NOLC1: variants seen among roughly 807,000 people sequenced by gnomAD.
The protein encoded by NOLC1 is 140 kDa nucleolar phosphoprotein.
A neutral mutation model predicts 73.4 loss-of-function variants in NOLC1; 37 were observed. That is an observed-to-expected ratio of 0.50 (90% confidence interval 0.39 to 0.66). The LOEUF is 0.66. NOLC1 is among the 30% of genes least tolerant of loss of function. The probability of loss-of-function intolerance (pLI) is 0.00; values close to 1 mark genes in which losing one functional copy is unlikely to be tolerated. For missense variants in NOLC1, 921 were observed against 838.9 expected (o/e 1.10, Z -1.21); for synonymous variants, 327 against 302.6 (o/e 1.08, Z -0.84).
chr10:102,157,594 G>A, intron 4 of NOLC1, 39 bp downstream of exon 4: 1 of 1,596,736 alleles, frequency 6.3e-7, no homozygotes. Flanking sequence ...TTAAGGATTA[G>A]AAAGGAAGAA....
chr10:102,156,873 T>C, intron 1 of NOLC1, 146 bp from the exon 2 acceptor site: 1 of 778,484 alleles, frequency 1.3e-6, no homozygotes, highest in Non-Finnish European at 2.1e-6. Flanking sequence ...TAGAATATTT[T>C]TCTCCTGATT....
chr10:102,155,380 C>CA (rs1182815043), intron 1 of NOLC1, among the ~76,000 whole-genome samples: 135 of 127,826 alleles, frequency 1.1e-3, no homozygotes, highest in African/African-American at 2.1e-3. Context: ...AATTCCATTT[C>CA]AAAAAAAAAA....
chr10:102,159,909 A>G lies in NOLC1; in HGVS notation c.873A>G (p.Ser291=). The change falls in exon 8 of 13, where the codon TCA becomes TCG. Residue 291 remains serine (S), a synonymous_variant. Coordinates refer to ENST00000605788, the MANE Select transcript of NOLC1 (RefSeq NM_004741.5). ...CTTTTTAAACAGGTCCCTACAGTTC[A>G]GTCCCCCCGCCTTCTGCTCCCCCAC... ...PMKNKPGPYS[S]VPPPSAPPPK... is the part of the protein sequence containing the mutation. 1.3e-6 allele frequency: 2 copies of G among 1,596,512 alleles called. No individual in the cohort carries two copies. The highest frequency in any genetic ancestry group is 1.7e-6 in the Non-Finnish European group (2 of 1,172,362).
chr10:102,156,965 G>GA, intron 1 of NOLC1, 54 bp from the exon 2 acceptor site: 1 of 1,550,290 alleles, frequency 6.5e-7, no homozygotes, highest in Admixed American at 1.7e-5. Flanking sequence ...CACATTTAAT[G>GA]AAAGCATAAC....
intron 1 of NOLC1, among the ~76,000 whole-genome samples, chr10:102,155,107 C>T (rs917634572): frequency 6.0e-5 from 9 of 151,136 alleles, no homozygotes; most frequent in Non-Finnish European, 8.8e-5. Context: ...ACCACAACCT[C>T]CACCTCCTGG....
chr10:102,159,242 T>G lies in NOLC1; in HGVS notation c.657T>G (p.Ser219Arg). ...IANGKAASSS[S>R]SSSSSSSSDD... ...ATGGTAAAGCAGCCAGTAGCAGCAG[T>G]AGCAGCAGCAGCAGCAGTAGCAGTG... Residue 219 changes from serine (S) to arginine (R), a missense_variant, in exon 6 of 13, where the codon AGT (serine) becomes AGG (arginine). Ser to Arg is a moderately radical substitution (Grantham distance 110). Coordinates refer to ENST00000605788, the MANE Select transcript of NOLC1 (RefSeq NM_004741.5). 3.1e-6 allele frequency: 5 copies of G among 1,612,996 alleles called. No individual in the cohort carries two copies. The highest frequency in any genetic ancestry group is 4.2e-6 in the Non-Finnish European group (5 of 1,179,248).
intron 10 of NOLC1, 51 bp downstream of exon 10, chr10:102,161,144 T>TGG: frequency 6.5e-7 from 1 of 1,529,740 alleles, no homozygotes; most frequent in Non-Finnish European, 8.7e-7. Context: ...CAAATCAGGA[T>TGG]GGGATATACT....
Position 102,161,112 on chromosome 10 carries a change from T to C in NOLC1, c.1741+19T>C. 1 of 1,578,898 alleles carries C rather than the reference T, an allele frequency of 6.3e-7. No individual in the cohort carries two copies. Among genetic ancestry groups the C allele is most frequent in the Non-Finnish European group, 8.6e-7 (1 of 1,168,352 alleles). On this transcript the variant is annotated intron_variant, in intron 10 of 12. Coordinates refer to ENST00000605788, the MANE Select transcript of NOLC1 (RefSeq NM_004741.5). The stretch of plus-strand genomic sequence containing the variant: ...AAATCAGGTCTGTACCCAATGAACA[T>C]GCCCTCTGGGTTTTGTCCCCCCAAA...
Position 102,157,333 on chromosome 10 carries a change from G to A in NOLC1, c.316+5G>A. ...GGCCTCCAGCAAAGAAGGCTGGTAA[G>A]GCAGAGTAGCAGGTGGGCTTGGTGG... On this transcript the variant is annotated splice_donor_5th_base_variant and intron_variant, in intron 3 of 12. Coordinates refer to ENST00000605788, the MANE Select transcript of NOLC1 (RefSeq NM_004741.5). The A allele has an allele frequency of 6.2e-7, 1 of 1,613,872 alleles. No individual in the cohort carries two copies. Among genetic ancestry groups the A allele is most frequent in the Non-Finnish European group, 8.5e-7 (1 of 1,179,838 alleles).
Position 102,162,338 on chromosome 10 carries a change from AACCCTCAGGTCTCT to A in NOLC1, c.*71_*84del, listed in dbSNP as rs2069728189. On this transcript the variant is annotated 3_prime_UTR_variant, in exon 13 of 13. Coordinates refer to ENST00000605788, the MANE Select transcript of NOLC1 (RefSeq NM_004741.5). The stretch of plus-strand genomic sequence containing the variant: ...ACTTACTTTCTCCAGTGGACCTGGG[AACCCTCAGGTCTCT>A]AGGTGAGGGTCTTGATGAGGACAGA... 8 of 1,541,248 alleles carry A rather than the reference AACCCTCAGGTCTCT, an allele frequency of 5.2e-6. 1 individual carries two copies. The South Asian group carries it at 9.6e-5, about 18-fold the overall frequency.
intron 4 of NOLC1, among the ~76,000 whole-genome samples, 196 bp downstream of exon 4, chr10:102,157,751 G>C (rs989759545): frequency 2.0e-5 from 3 of 152,070 alleles, no homozygotes; most frequent in Non-Finnish European, 4.4e-5. Flanking sequence ...GTCAGGCTCC[G>C]AATCTAGAGG....
Position 102,160,854 on chromosome 10 carries a change from C to T in NOLC1, c.1502C>T (p.Ala501Val). The T allele has an allele frequency of 1.9e-6, 3 of 1,614,066 alleles. No individual in the cohort carries two copies. Among genetic ancestry groups the T allele is most frequent in the Non-Finnish European group, 1.7e-6 (2 of 1,180,000 alleles). Residue 501 changes from alanine (A) to valine (V), a missense_variant, in exon 10 of 13, where the codon GCA becomes GTA. Coordinates refer to ENST00000605788, the MANE Select transcript of NOLC1 (RefSeq NM_004741.5). ...AAGCCACAGAAGGTAGCAGGAGGTG[C>T]AGCCCCTTCCAAGCCAGCCTCTGCA... ...KKKPQKVAGG[A>V]APSKPASAKK...
Position 102,152,479 on chromosome 10 carries a change from C to A in NOLC1, c.69C>A (p.Arg23=). The change falls in exon 1 of 13, where the codon CGC becomes CGA. Residue 23 remains arginine (R), a synonymous_variant. Coordinates refer to ENST00000605788, the MANE Select transcript of NOLC1 (RefSeq NM_004741.5). The part of the protein sequence containing the change: ...DLYPLVLGFL[R]DNQLSEVANK... ...ATCCCCTCGTGCTCGGCTTCCTGCGCGATAACCAACTCTCAGAGGTGGCCA... is the reference window on the plus strand; with the variant it reads ...ATCCCCTCGTGCTCGGCTTCCTGCGAGATAACCAACTCTCAGAGGTGGCCA... 6.2e-7 allele frequency: 1 copy of A among 1,613,778 alleles called. No homozygotes were observed. The highest frequency in any genetic ancestry group is 8.5e-7 in the Non-Finnish European group (1 of 1,180,044).
intron 4 of NOLC1, 83 bp from the exon 5 acceptor site, chr10:102,157,966 C>T: frequency 8.0e-7 from 1 of 1,242,310 alleles, no homozygotes; most frequent in Non-Finnish European, 1.1e-6. Flanking sequence ...TCCATTAGGC[C>T]CCTAAAAATA....
At position 102,163,631 on chromosome 10, in the gene NOLC1, A is replaced by G. The variant is rs1479954914; in HGVS notation, c.*1362A>G. ...AAGAGTCCACAGCTTTCTGGAAGCT[A>G]AGGCATTCTGGTGGTAGAAAAGTGT... On this transcript the variant is annotated 3_prime_UTR_variant, in exon 13 of 13. Transcript: ENST00000605788. 6.6e-6 allele frequency: 1 copy of G among 152,234 alleles called. No individual in the cohort carries two copies. Among genetic ancestry groups the G allele is most frequent in the Admixed American group, 6.5e-5 (1 of 15,280 alleles). 9.4% of individuals were successfully genotyped at this position (152,234 alleles called of 1,614,324 possible).
rs753968469 is a variant in NOLC1, at chr10:102,159,944, C to T, written c.908C>T (p.Ser303Phe). The T allele has an allele frequency of 3.7e-6, 6 of 1,609,916 alleles. No homozygotes were observed. In the South Asian group the frequency reaches 4.4e-5, roughly 12 times the overall value. The change falls in exon 8 of 13, where the codon TCT becomes TTT. Residue 303 changes from serine to phenylalanine, a missense_variant. By Grantham distance (155) the Ser-to-Phe change is radical (BLOSUM62 -2). Transcript: ENST00000605788. ...CCTTCTGCTCCCCCACCAAAGAAGT[C>T]TCTGGGAACCCAGCCTCCCAAGAAG... ...PPPSAPPPKK[S>F]LGTQPPKKAV...
At position 102,158,044 on chromosome 10, in the gene NOLC1, A is replaced by C. The variant is rs751773471; in HGVS notation, c.442-5A>C. ...TGATTTCTCTCCTTGTGTCTTTTCTAACAGAAGGGAGTTAAGCCCCAAGCC... is the reference window on the plus strand; with the variant it reads ...TGATTTCTCTCCTTGTGTCTTTTCTCACAGAAGGGAGTTAAGCCCCAAGCC... On this transcript the variant is annotated splice_region_variant and splice_polypyrimidine_tract_variant and intron_variant, in intron 4 of 12. Transcript: ENST00000605788. 2.5e-6 allele frequency: 4 copies of C among 1,611,716 alleles called. 1 individual carries two copies. Among genetic ancestry groups the C allele is most frequent in the Non-Finnish European group, 2.5e-6 (3 of 1,179,106 alleles).
chr10:102,153,073 T>G (rs2069533074), intron 1 of NOLC1, among the ~76,000 whole-genome samples: 1 of 152,224 alleles, frequency 6.6e-6, no homozygotes, highest in African/African-American at 2.4e-5. Context: ...CCCTACCAAG[T>G]AGGCATAGTA....
intron 1 of NOLC1, among the ~76,000 whole-genome samples, chr10:102,154,589 C>T (rs985379269): frequency 6.6e-6 from 1 of 152,108 alleles, no homozygotes; most frequent in Non-Finnish European, 1.5e-5. Flanking sequence ...AATCTCAGCT[C>T]ACTGCAACCT....
Sources: allele counts gnomAD v4.1 joint callset (sites outside exome capture counted in the v4.1 genomes callset), GRCh38; gene constraint gnomAD v4.1.1; transcripts MANE v1.5; gene names NCBI Gene and HGNC (gene_info 2026-07-23, HGNC 2026-07-21).